The following ABCA13 variants were observed in gnomAD, a reference collection of about 807,000 sequenced individuals.
ABCA13 encodes the protein ATP-binding cassette sub-family A member 13.
A neutral mutation model predicts 478.7 loss-of-function variants in ABCA13; 476 were observed. The ratio of observed to expected loss-of-function variants is 0.99; its 90% CI spans 0.92 to 1.07. The LOEUF is 1.07. Among genes scored for constraint, ABCA13 ranks in the 50% least tolerant of loss-of-function variants. The probability of loss-of-function intolerance (pLI) is 0.00; values close to 1 mark genes in which losing one functional copy is unlikely to be tolerated. For synonymous variants in ABCA13, 2,252 were observed against 2,158.9 expected, an observed-to-expected ratio of 1.04 and a Z score of -1.20; for missense variants, 6,060 against 5,910.6, an observed-to-expected ratio of 1.03 and a Z score of -0.83.
chr7:48,527,625 T>C (rs1215337926), intron 54 of ABCA13, among the ~76,000 whole-genome samples: 1 of 152,204 alleles, frequency 6.6e-6, no homozygotes, highest in Non-Finnish European at 1.5e-5. Flanking sequence ...GTTGACTCTA[T>C]GCTCAATGTC....
chr7:48,188,824 A>G (rs1796700252), intron 1 of ABCA13, among the ~76,000 whole-genome samples: 1 of 152,142 alleles, frequency 6.6e-6, no homozygotes, highest in South Asian at 2.1e-4. Context: ...GTTTATATTC[A>G]TGCTCAGCCC....
chr7:48,346,724 C>A (rs1312897898), intron 29 of ABCA13, among the ~76,000 whole-genome samples: 1 of 152,172 alleles, frequency 6.6e-6, no homozygotes, highest in East Asian at 1.9e-4. Flanking sequence ...ACAGCAATTT[C>A]ATGGGTAATT....
chr7:48,177,549 A>G (rs1280941823), intron 1 of ABCA13, among the ~76,000 whole-genome samples: 1 of 152,230 alleles, frequency 6.6e-6, no homozygotes, highest in Admixed American at 6.5e-5. Flanking sequence ...CAAGATTGGC[A>G]GTGAGAGGCG....
At chr7:48,330,305 T>C (rs999493987) in intron 27 of ABCA13, among the ~76,000 whole-genome samples, 7 of 141,332 alleles carry the variant, frequency 5.0e-5, no homozygotes, top group African/African-American at 1.9e-4. Flanking sequence ...ATCTATCCAT[T>C]CATCCATCCA....
Position 48,605,357 on chromosome 7 carries a change from T to C in ABCA13, c.14745-9928T>C, listed in dbSNP as rs148917428. Among the ~76,000 whole-genome samples the C allele has an allele frequency of 7.1e-3, 1,088 of 152,342 alleles. 5 individuals are homozygous for C. Among genetic ancestry groups the C allele is most frequent in the Non-Finnish European group, 0.011 (754 of 68,030 alleles). ...TTTACAATTTGGTATGTTTTTGCAGTGGCTGATACCAGTTGTTCCTTTACA... is the reference window on the plus strand; with the variant it reads ...TTTACAATTTGGTATGTTTTTGCAGCGGCTGATACCAGTTGTTCCTTTACA... On this transcript the variant is annotated intron_variant, in intron 58 of 61. Coordinates refer to ENST00000435803, the MANE Select transcript of ABCA13 (RefSeq NM_152701.5).
intron 20 of ABCA13, among the ~76,000 whole-genome samples, chr7:48,294,177 A>G (rs908700916): frequency 6.6e-6 from 1 of 152,174 alleles, no homozygotes; most frequent in Non-Finnish European, 1.5e-5. Context: ...CTACAAACAA[A>G]TGAGCATATC....
At chr7:48,487,860 A>G (rs1197998272) in intron 47 of ABCA13, among the ~76,000 whole-genome samples, 1 of 152,208 alleles carries the variant, frequency 6.6e-6, no homozygotes, top group African/African-American at 2.4e-5. Flanking sequence ...GGTGGATGAC[A>G]TGGACACACC....
chr7:48,411,359 A>G (rs2129094942), intron 40 of ABCA13, among the ~76,000 whole-genome samples: 1 of 116,444 alleles, frequency 8.6e-6, no homozygotes, highest in African/African-American at 3.2e-5. Context: ...CCCAGGCTGG[A>G]GTGCAGTGGT....
Position 48,272,395 on chromosome 7 carries a change from A to C in ABCA13, c.2729A>C (p.Gln910Pro). The C allele has an allele frequency of 6.2e-7, 1 of 1,613,838 alleles. No homozygotes were observed. ...CTCCATGAATTTGGATTTTTGGAGC[A>C]GGAACAGATCTCAGAAGCTCTGAAC... is the stretch of plus-strand genomic sequence containing the variant. ...TSLHEFGFLE[Q>P]EQISEALNTV... The change falls in exon 17 of 62, where the codon CAG becomes CCG. Residue 910 changes from glutamine (Q) to proline (P), a missense_variant. This residue lies in a region of ABCA13 where 4,423 missense variants were observed against 4,309.1 expected (regional missense o/e 1.03). Transcript: ENST00000435803.
chr7:48,408,331 G>T (rs73694613), intron 39 of ABCA13, among the ~76,000 whole-genome samples: 1 of 148,694 alleles, frequency 6.7e-6, no homozygotes, highest in African/African-American at 2.4e-5. Flanking sequence ...TTTATTTTTA[G>T]ACTTCATTGT....
chr7:48,644,490 C>A, intron 60 of ABCA13, 127 bp from the exon 61 acceptor site: 1 of 1,010,356 alleles, frequency 9.9e-7, no homozygotes, highest in Non-Finnish European at 1.4e-6. Flanking sequence ...TCATTGGAGA[C>A]TCACAAAATT....
chr7:48,540,827 C>T (rs552446243), intron 55 of ABCA13, among the ~76,000 whole-genome samples: 1 of 152,170 alleles, frequency 6.6e-6, no homozygotes, highest in Admixed American at 6.5e-5. Flanking sequence ...TCCTGATATA[C>T]TGATAGTTGT....
intron 42 of ABCA13, among the ~76,000 whole-genome samples, chr7:48,451,638 T>A (rs67223065): frequency 0.14 from 20,743 of 152,196 alleles, 1,838 homozygotes; most frequent in African/African-American, 0.23. Flanking sequence ...CTTTTGGAGT[T>A]TTCATCTTAA....
intron 7 of ABCA13, among the ~76,000 whole-genome samples, chr7:48,232,013 T>C (rs1203407814): frequency 6.6e-6 from 1 of 152,100 alleles, no homozygotes; most frequent in Non-Finnish European, 1.5e-5. Context: ...TACAATCCCA[T>C]TCAGAATTTT....
chr7:48,370,414 G>C (rs1812445741), intron 32 of ABCA13, among the ~76,000 whole-genome samples: 1 of 152,052 alleles, frequency 6.6e-6, no homozygotes, highest in Non-Finnish European at 1.5e-5. Flanking sequence ...CTCTGACTAG[G>C]ACTTCCAGTA....
rs190192460 is a variant in ABCA13, at chr7:48,312,992, C to A, written c.9517-75C>A. On this transcript the variant is annotated intron_variant, in intron 24 of 61. Transcript: ENST00000435803. ...AAATCAGATAAACAAGTTTTCACAG[C>A]TCAAAAGATGCTTCTGAGTGTAAAA... 4 of 1,411,928 alleles carry A rather than the reference C, an allele frequency of 2.8e-6. No individual in the cohort carries two copies. In the East Asian group the frequency reaches 7.2e-5, roughly 25 times the overall value. The allele number at this position is 1,411,928 out of a possible 1,614,324, so 87.5% of individuals were successfully genotyped here.
Position 48,171,473 on chromosome 7 carries a change from G to T in ABCA13, c.-11G>T, listed in dbSNP as rs929381939. 1.3e-6 allele frequency: 2 copies of T among 1,535,990 alleles called. No individual in the cohort carries two copies. The highest frequency in any genetic ancestry group is 3.9e-5 in the Admixed American group (2 of 51,000). On this transcript the variant is annotated 5_prime_UTR_variant, in exon 1 of 62. Transcript: ENST00000435803. The stretch of plus-strand genomic sequence containing the variant: ...GGCTGGCTTCCTGACTGAGAGCAGG[G>T]AGCAGCAGGCATGGGGCATGCCGGG...
intron 27 of ABCA13, among the ~76,000 whole-genome samples, chr7:48,330,918 C>T (rs547356053): frequency 6.6e-6 from 1 of 152,104 alleles, no homozygotes; most frequent in Non-Finnish European, 1.5e-5. Flanking sequence ...TGGGTTTTTC[C>T]CTTCCTGATT....
At position 48,279,132 on chromosome 7, in the gene ABCA13, A is replaced by T; in HGVS notation, c.7938A>T (p.Lys2646Asn). ...TTGCTGAATTTTTAACATCTGTGAA[A>T]ATGAACTTGGAAGATATGAGGAGTC... ...EEIAEFLTSVKMNLEDMRSLA... is the reference protein window; with the variant it reads ...EEIAEFLTSVNMNLEDMRSLA... Residue 2646 changes from lysine to asparagine, a missense_variant, in exon 18 of 62, where the codon AAA becomes AAT. Coordinates refer to ENST00000435803, the MANE Select transcript of ABCA13 (RefSeq NM_152701.5). The T allele has an allele frequency of 6.2e-7, 1 of 1,608,868 alleles. No homozygotes were observed. The highest frequency in any genetic ancestry group is 1.1e-5 in the South Asian group (1 of 90,732).
Sources: gnomAD v4.1 joint callset for allele counts (sites outside exome capture counted in the v4.1 genomes callset) on GRCh38, gnomAD v4.1.1 for gene constraint, gnomAD v4.1.1 regional missense constraint, MANE v1.5 for transcripts, NCBI Gene and HGNC (gene_info 2026-07-23, HGNC 2026-07-21) for gene names.